RTN4: variants seen among roughly 807,000 people sequenced by gnomAD.
The protein encoded by RTN4 is reticulon 4, also known as reticulon-4.
A neutral mutation model predicts 90.4 loss-of-function variants in RTN4; 32 were observed. The ratio of observed to expected loss-of-function variants is 0.35; its 90% CI spans 0.27 to 0.48. The LOEUF is 0.48. Ranked by LOEUF, RTN4 falls within the 20% of genes least tolerant of loss-of-function variation. The probability of loss-of-function intolerance (pLI) is 0.99; values close to 1 mark genes in which losing one functional copy is unlikely to be tolerated. For synonymous variants in RTN4, 629 were observed against 552.5 expected, an observed-to-expected ratio of 1.14 and a Z score of -1.94; for missense variants, 1,706 against 1,430.2, an observed-to-expected ratio of 1.19 and a Z score of -3.11.
chr2:55,126,288 G>C, the RTN4 span, among the ~76,000 whole-genome samples: 1 of 151,748 alleles, frequency 6.6e-6, no homozygotes, highest in Admixed American at 6.6e-5. Flanking sequence ...AGAATCGCTT[G>C]AACCTGGGAG....
At chr2:55,122,491 G>A in the RTN4 span, among the ~76,000 whole-genome samples, 1 of 152,206 alleles carries the variant, frequency 6.6e-6, no homozygotes, top group African/African-American at 2.4e-5. Flanking sequence ...TTAATGTCCT[G>A]TGGCTATTGT....
the RTN4 span, among the ~76,000 whole-genome samples, chr2:55,131,488 G>A: frequency 6.6e-6 from 1 of 152,136 alleles, no homozygotes; most frequent in Admixed American, 6.6e-5. Context: ...GATTACAGAC[G>A]TGAGCTACTG....
Position 54,973,072 on chromosome 2 carries a change from GTTCGTTC to G in RTN4, c.*77_*83del. The G allele has an allele frequency of 8.8e-7, 1 of 1,134,700 alleles. No individual in the cohort carries two copies. 70.3% of individuals were successfully genotyped at this position (1,134,700 alleles called of 1,614,324 possible). A position where few individuals can be genotyped will look rare whatever the true frequency, so the allele number is the denominator to read the frequency against. On this transcript the variant is annotated 3_prime_UTR_variant, in exon 9 of 9. Coordinates refer to ENST00000337526, the MANE Select transcript of RTN4 (RefSeq NM_020532.5). ...TGTGAAACTGCACTGCAACGTCAAG[GTTCGTTC>G]TTCCCTGACCCTCCCCCGTATAATC...
chr2:55,038,432 A>T (rs1446631562), intron 1 of RTN4, among the ~76,000 whole-genome samples: 1 of 152,190 alleles, frequency 6.6e-6, no homozygotes, highest in Non-Finnish European at 1.5e-5. Context: ...ATGTAGGAAA[A>T]AAAAAGGCAT....
intron 2 of RTN4, among the ~76,000 whole-genome samples, chr2:55,079,083 A>G: frequency 6.6e-6 from 1 of 152,208 alleles, no homozygotes; most frequent in East Asian, 1.9e-4. Flanking sequence ...TAGTGAACAT[A>G]GAGGAGGTTG....
chr2:55,009,609 T>C (rs752397548), intron 3 of RTN4, among the ~76,000 whole-genome samples: 18 of 152,236 alleles, frequency 1.2e-4, no homozygotes, highest in Non-Finnish European at 2.6e-4. Flanking sequence ...AAGTTGGTAA[T>C]AATTTTAAAG....
intron 1 of RTN4, among the ~76,000 whole-genome samples, chr2:55,047,163 C>G (rs1045877663): frequency 6.6e-6 from 1 of 151,998 alleles, no homozygotes; most frequent in Non-Finnish European, 1.5e-5. Context: ...AATCCCGTCT[C>G]TACTAAAAAT....
chr2:55,026,586 C>A lies in RTN4; in HGVS notation c.1513G>T (p.Val505Leu), dbSNP rs375294003. ...TTGGTGCTAGTATTCTTCTCTGTTA[C>A]TATTTGGGCCTTCTTTTCTTCTATT... ...KKIEEKKAQI[V>L]TEKNTSTKTS... The change falls in exon 3 of 9, where the codon GTA (valine) becomes TTA (leucine). Residue 505 changes from valine (V) to leucine (L), a missense_variant. By Grantham distance (32) the Val-to-Leu change is conservative. Transcript: ENST00000337526. 1 of 1,612,262 alleles carries A rather than the reference C, an allele frequency of 6.2e-7. No homozygotes were observed. Among genetic ancestry groups the A allele is most frequent in the Admixed American group, 1.7e-5 (1 of 59,820 alleles).
intron 1 of RTN4, among the ~76,000 whole-genome samples, chr2:55,095,159 C>T (rs775782241): frequency 9.9e-5 from 15 of 152,032 alleles, no homozygotes; most frequent in Non-Finnish European, 2.2e-4. Context: ...CCCGTCTGTA[C>T]TTAAAATACA....
At chr2:55,137,289 G>A in the RTN4 span, among the ~76,000 whole-genome samples, 1 of 152,224 alleles carries the variant, frequency 6.6e-6, no homozygotes. Flanking sequence ...GAAGAGGAGG[G>A]CATGAAATGG....
intron 2 of RTN4, among the ~76,000 whole-genome samples, chr2:55,074,644 A>G (rs1012613561): frequency 1.3e-5 from 2 of 152,188 alleles, no homozygotes; most frequent in South Asian, 2.1e-4. Context: ...ACTGCAGACC[A>G]ATATCCCTGA....
intron 3 of RTN4, among the ~76,000 whole-genome samples, chr2:54,992,081 T>C (rs1679054888): frequency 6.6e-6 from 1 of 152,148 alleles, no homozygotes; most frequent in African/African-American, 2.4e-5. Flanking sequence ...ATGCCTGTAA[T>C]TCCAGCACTT....
intron 1 of RTN4, among the ~76,000 whole-genome samples, chr2:55,095,234 G>A (rs541598615): frequency 1.7e-3 from 260 of 152,042 alleles, no homozygotes; most frequent in Non-Finnish European, 2.8e-3. Flanking sequence ...TGAGGCAGGA[G>A]AATCGCTTGA....
At position 55,026,036 on chromosome 2, in the gene RTN4, T is replaced by G. The variant is rs376609109; in HGVS notation, c.2063A>C (p.Gln688Pro). Reference sequence around the variant, plus strand: ...AGATATATAAGGAGCTTCTGTTTCTTGAAGAGCTGCATTAATATTTTCAGG... The same window carrying G: ...AGATATATAAGGAGCTTCTGTTTCTGGAAGAGCTGCATTAATATTTTCAGG... ...KEPENINAAL[Q>P]ETEAPYISIA... Residue 688 changes from glutamine to proline, a missense_variant, in exon 3 of 9, where the codon CAA becomes CCA. Coordinates refer to ENST00000337526, the MANE Select transcript of RTN4 (RefSeq NM_020532.5). 2 of 1,611,330 alleles carry G rather than the reference T, an allele frequency of 1.2e-6. No individual in the cohort carries two copies. Among genetic ancestry groups the G allele is most frequent in the South Asian group, 1.1e-5 (1 of 90,362 alleles).
At position 54,973,630 on chromosome 2, in the gene RTN4, G is replaced by T. The variant is rs200798238; in HGVS notation, c.3478-9C>A. 3 of 1,603,164 alleles carry T rather than the reference G, an allele frequency of 1.9e-6. No individual in the cohort carries two copies. Among genetic ancestry groups the T allele is most frequent in the Non-Finnish European group, 2.6e-6 (3 of 1,170,162 alleles). The stretch of plus-strand genomic sequence containing the variant: ...TAATGATCTATCTGTGCCTGAAAGA[G>T]AGGTATAAAGGAATTATTACCGTTG... On this transcript the variant is annotated splice_polypyrimidine_tract_variant and intron_variant, in intron 7 of 8. Coordinates refer to ENST00000337526, the MANE Select transcript of RTN4 (RefSeq NM_020532.5).
intron 1 of RTN4, chr2:55,049,424 T>G: frequency 1.1e-5 from 4 of 376,066 alleles, no homozygotes; most frequent in Non-Finnish European, 1.0e-5. Flanking sequence ...GGCTCTCGGG[T>G]ATATACCCGG....
intron 2 of RTN4, among the ~76,000 whole-genome samples, chr2:55,063,569 A>G (rs1668338514): frequency 6.6e-6 from 1 of 151,996 alleles, no homozygotes; most frequent in African/African-American, 2.4e-5. Context: ...AAGCAGGAGA[A>G]TAACACTGAA....
chr2:55,122,204 C>A, the RTN4 span, among the ~76,000 whole-genome samples: 1 of 152,128 alleles, frequency 6.6e-6, no homozygotes, highest in African/African-American at 2.4e-5. Flanking sequence ...GTCTCAAACT[C>A]CTGGACTCAA....
chr2:55,011,287 A>G (rs1321669227), intron 3 of RTN4, among the ~76,000 whole-genome samples: 1 of 152,128 alleles, frequency 6.6e-6, no homozygotes, highest in African/African-American at 2.4e-5. Context: ...TCAGCCTCCT[A>G]AAGTGCGGGG....
Sources: allele counts gnomAD v4.1 joint callset (sites outside exome capture counted in the v4.1 genomes callset), GRCh38; gene constraint gnomAD v4.1.1; transcripts MANE v1.5; gene names NCBI Gene and HGNC (gene_info 2026-07-23, HGNC 2026-07-21).